The following ZNF184 variants were observed in gnomAD, a reference collection of about 807,000 sequenced individuals.
ZNF184 encodes zinc finger protein 184 (Kruppel-like).
Under a neutral mutation model 54.4 loss-of-function variants are expected in ZNF184, and 16 were observed. The ratio of observed to expected loss-of-function variants is 0.29; its 90% CI spans 0.20 to 0.45. The LOEUF (loss-of-function observed/expected upper bound fraction) is 0.45. Ranked by LOEUF, ZNF184 falls within the 20% of genes least tolerant of loss-of-function variation. ZNF184 has a pLI of 1.00. For missense variants in ZNF184, 681 were observed against 888.2 expected (o/e 0.77, Z 2.97); for synonymous variants, 254 against 295.3 (o/e 0.86, Z 1.43).
Position 27,467,903 on chromosome 6 carries a change from A to T in ZNF184, c.25T>A (p.Ser9Thr). The T allele has an allele frequency of 6.2e-7, 1 of 1,611,730 alleles. No homozygotes were observed. Among genetic ancestry groups the T allele is most frequent in the Non-Finnish European group, 8.5e-7 (1 of 1,178,916 alleles). Residue 9 changes from serine (S) to threonine (T), a missense_variant, in exon 3 of 6, where the codon TCC (serine) becomes ACC (threonine). By Grantham distance (58) the Ser-to-Thr change is moderately conservative. Coordinates refer to ENST00000683788, the MANE Select transcript of ZNF184 (RefSeq NM_001318891.2). MEDLSSPD[S>T]TLLQGGHNLL... ...TTATGTCCCCCTTGGAGAAGGGTGG[A>T]GTCTGGAGAGGACAGATCTAGGGGG...
chr6:27,411,873 C>A, the ZNF184 span, among the ~76,000 whole-genome samples: 2 of 152,236 alleles, frequency 1.3e-5, no homozygotes, highest in African/African-American at 4.8e-5. Context: ...GCCGCCCTCC[C>A]TCCTCACTTG....
At chr6:27,449,793 T>C (rs1762679366), downstream of ZNF184, among the ~76,000 whole-genome samples, 1 of 152,090 alleles carries the variant, frequency 6.6e-6, no homozygotes, top group South Asian at 2.1e-4. Flanking sequence ...TGCTCTACTC[T>C]CTCAGTATGG....
Position 27,471,111 on chromosome 6 carries a change from T to C in ZNF184, c.7+1177A>G, listed in dbSNP as rs552775158. On this transcript the variant is annotated intron_variant, in intron 2 of 5. Coordinates refer to ENST00000683788, the MANE Select transcript of ZNF184 (RefSeq NM_001318891.2). Reference sequence around the variant, plus strand: ...TGATTGCACAGCCATACCTAAAGAATGTAAAGACAACACCAATGCAGAGAG... The same window carrying C: ...TGATTGCACAGCCATACCTAAAGAACGTAAAGACAACACCAATGCAGAGAG... 2.0e-5 allele frequency among the ~76,000 whole-genome samples: 3 copies of C among 152,280 alleles called. No homozygotes were observed. The East Asian group carries it at 5.8e-4, about 29-fold the overall frequency.
the ZNF184 span, among the ~76,000 whole-genome samples, chr6:27,432,481 G>A: frequency 4.6e-5 from 7 of 152,148 alleles, no homozygotes; most frequent in African/African-American, 1.2e-4. The surrounding 1 kb of genome is among the most constrained non-coding windows in gnomAD (Gnocchi z 4.0). Context: ...TCTATTAGCC[G>A]TTTAAGGCAA....
At position 27,452,115 on chromosome 6, in the gene ZNF184, C is replaced by A. The variant is rs756590393; in HGVS notation, c.1444G>T (p.Ala482Ser). The A allele has an allele frequency of 5.9e-5, 96 of 1,613,844 alleles. No homozygotes were observed. The highest frequency in any genetic ancestry group is 8.1e-5 in the Non-Finnish European group (95 of 1,179,984). Residue 482 changes from alanine (A) to serine (S), a missense_variant, in exon 6 of 6, where the codon GCC becomes TCC. Ala to Ser is a moderately conservative substitution (Grantham distance 99). Coordinates refer to ENST00000683788, the MANE Select transcript of ZNF184 (RefSeq NM_001318891.2). This position sits in a 1 kb window ranked among gnomAD's most constrained non-coding sequence, Gnocchi z 5.5. ...KPYKCNECGKAFSYCSSLTQH... is the reference protein window; with the variant it reads ...KPYKCNECGKSFSYCSSLTQH... The stretch of plus-strand genomic sequence containing the variant: ...GTAAGGGATGAGCAGTAACTGAAGG[C>A]CTTTCCACATTCATTGCATTTGTAA...
chr6:27,451,993 T>C lies in ZNF184; in HGVS notation c.1566A>G (p.Lys522=). Residue 522 remains lysine (K), a synonymous_variant, in exon 6 of 6, where the codon AAA becomes AAG. Coordinates refer to ENST00000683788, the MANE Select transcript of ZNF184 (RefSeq NM_001318891.2). ...SYLSNLNQHQ[K]THTQEKAYEC... ...CATAAGCTTTCTCTTGAGTATGAGTTTTCTGATGCTGATTAAGGTTTGAGA... is the reference window on the plus strand; with the variant it reads ...CATAAGCTTTCTCTTGAGTATGAGTCTTCTGATGCTGATTAAGGTTTGAGA... The C allele has an allele frequency of 6.2e-7, 1 of 1,613,792 alleles. No individual in the cohort carries two copies. The highest frequency in any genetic ancestry group is 8.5e-7 in the Non-Finnish European group (1 of 1,180,000).
In ZNF184 at chr6:27,451,984, A is replaced by G. The variant is rs1204947401; in HGVS notation, c.1575T>C (p.Thr525=). The G allele has an allele frequency of 1.9e-6, 3 of 1,613,694 alleles. No individual in the cohort carries two copies. In the Admixed American group the frequency reaches 5.0e-5, roughly 27 times the overall value. Residue 525 remains threonine (T), a synonymous_variant, in exon 6 of 6, where the codon ACT becomes ACC. Transcript: ENST00000683788. ...CTTTACATTCATAAGCTTTCTCTTG[A>G]GTATGAGTTTTCTGATGCTGATTAA... ...SNLNQHQKTH[T]QEKAYECKEC...
chr6:27,472,213 C>CA lies in ZNF184; in HGVS notation c.7+74dup. ...CCTTCCAAATCTCCTGCTCTGATCT[C>CA]AAGTATTTGATACTCCAGTCATGAC... On this transcript the variant is annotated intron_variant, in intron 2 of 5. Transcript: ENST00000683788. This position sits in a 1 kb window ranked among gnomAD's most constrained non-coding sequence, Gnocchi z 4.8. 1 of 1,591,980 alleles carries CA rather than the reference C, an allele frequency of 6.3e-7. No homozygotes were observed. The highest frequency in any genetic ancestry group is 2.3e-5 in the East Asian group (1 of 44,348).
In ZNF184 at chr6:27,458,565, C is replaced by T. The variant is rs146973738; in HGVS notation, c.76-1156G>A. Among the ~76,000 whole-genome samples the T allele has an allele frequency of 1.9e-4, 26 of 139,558 alleles. No homozygotes were observed. The East Asian group carries it at 5.4e-3, about 29-fold the overall frequency. The allele number at this position is 139,558 out of a possible 152,430, so 91.6% of individuals were successfully genotyped here. A position where few individuals can be genotyped will look rare whatever the true frequency, so the allele number is the denominator to read the frequency against. The stretch of plus-strand genomic sequence containing the variant: ...AAAACCATAATAAGATATCATCTCA[C>T]CCCAGTTAGTCAAAAAGACAAAAAA... On this transcript the variant is annotated intron_variant, in intron 3 of 5. Transcript: ENST00000683788.
At chr6:27,457,822 A>G (rs948736566) in intron 3 of ZNF184, among the ~76,000 whole-genome samples, 2 of 152,220 alleles carry the variant, frequency 1.3e-5, no homozygotes, top group African/African-American at 2.4e-5. Flanking sequence ...GACTTGCCCT[A>G]ATACATTTCA....
chr6:27,412,629 A>G, the ZNF184 span, among the ~76,000 whole-genome samples: 2 of 152,262 alleles, frequency 1.3e-5, no homozygotes, highest in Non-Finnish European at 2.9e-5. Flanking sequence ...ATGAGTGACC[A>G]TGGCCTGTGA....
intron 2 of ZNF184, among the ~76,000 whole-genome samples, chr6:27,470,764 G>A (rs1359646977): frequency 6.6e-6 from 1 of 152,124 alleles, no homozygotes; most frequent in Non-Finnish European, 1.5e-5. Context: ...CTCAGTATGT[G>A]CTACAAAAGT....
intron 3 of ZNF184, among the ~76,000 whole-genome samples, chr6:27,462,242 G>C (rs1763013662): frequency 6.6e-6 from 1 of 151,818 alleles, no homozygotes; most frequent in Non-Finnish European, 1.5e-5. Context: ...CTGTTGCGCA[G>C]CCTGGAGTGC....
At chr6:27,413,309 C>T in the ZNF184 span, among the ~76,000 whole-genome samples, 3 of 152,112 alleles carry the variant, frequency 2.0e-5, no homozygotes, top group East Asian at 3.9e-4. Flanking sequence ...TTTGAGGGAA[C>T]TCAAGACAGT....
chr6:27,410,571 A>G, the ZNF184 span, among the ~76,000 whole-genome samples: 1 of 152,134 alleles, frequency 6.6e-6, no homozygotes, highest in Non-Finnish European at 1.5e-5. Flanking sequence ...TTTCTCTGTC[A>G]CCCAGGCTGG....
Position 27,469,755 on chromosome 6 carries a change from T to C in ZNF184, c.8-1835A>G, listed in dbSNP as rs750049683. On this transcript the variant is annotated intron_variant, in intron 2 of 5. Transcript: ENST00000683788. ...ACAATCAAACAGGTAAGGGTCAAGA[T>C]GGATATTTATGACCACACATAGATG... 2.2e-4 allele frequency among the ~76,000 whole-genome samples: 34 copies of C among 152,088 alleles called. 1 individual carries two copies. Among genetic ancestry groups the C allele is most frequent in the Non-Finnish European group, 3.8e-4 (26 of 68,036 alleles).
At chr6:27,420,239 T>C in the ZNF184 span, among the ~76,000 whole-genome samples, 1 of 152,218 alleles carries the variant, frequency 6.6e-6, no homozygotes, top group African/African-American at 2.4e-5. Flanking sequence ...ATTTGTTTAA[T>C]GAATGAAGCA....
Position 27,456,877 on chromosome 6 carries a change from C to A in ZNF184, c.247G>T (p.Gly83Trp). 2 of 1,614,158 alleles carry A rather than the reference C, an allele frequency of 1.2e-6. No homozygotes were observed. The highest frequency in any genetic ancestry group is 1.7e-6 in the Non-Finnish European group (2 of 1,180,028). The change falls in exon 5 of 6, where the codon GGG becomes TGG. Residue 83 changes from glycine to tryptophan, a missense_variant. Transcript: ENST00000683788. ...GGCTCCATGATCCATGGCTCTGTCC[C>A]TTGCTCTAACTGGGAAATCACATCA... ...KPDVISQLEQ[G>W]TEPWIMEPSI...
At chr6:27,431,759 A>C in the ZNF184 span, among the ~76,000 whole-genome samples, 1 of 152,180 alleles carries the variant, frequency 6.6e-6, no homozygotes, top group African/African-American at 2.4e-5. Context: ...TCTGTGTGTG[A>C]AGATTTCCAG....
Sources: gnomAD v4.1 joint callset for allele counts (sites outside exome capture counted in the v4.1 genomes callset) on GRCh38, gnomAD v4.1.1 for gene constraint, Gnocchi (gnomAD v3.1) non-coding constraint, MANE v1.5 for transcripts, NCBI Gene and HGNC (gene_info 2026-07-23, HGNC 2026-07-21) for gene names.